The following DNM3 variants were observed in gnomAD, a reference collection of about 807,000 sequenced individuals.
DNM3 encodes the protein dynamin 3, also known as dynamin-3.
Under a neutral mutation model 101.6 loss-of-function variants are expected in DNM3, and 47 were observed. That is an observed-to-expected ratio of 0.46 (90% CI 0.37 to 0.59). DNM3 has a LOEUF of 0.59. DNM3 is among the 20% of genes least tolerant of loss of function. DNM3 has a pLI of 0.00. For synonymous variants in DNM3, 385 were observed against 387.9 expected (o/e 0.99, Z 0.09); for missense variants, 849 against 1,085.7 (o/e 0.78, Z 3.06).
chr1:172,132,336 A>T (rs1448636914), intron 14 of DNM3, among the ~76,000 whole-genome samples: 2 of 152,184 alleles, frequency 1.3e-5, no homozygotes, highest in Non-Finnish European at 2.9e-5. Flanking sequence ...TAATTGGTTG[A>T]TTGCCACTAA....
chr1:172,187,560 G>A (rs2059568495), intron 14 of DNM3, among the ~76,000 whole-genome samples: 2 of 151,910 alleles, frequency 1.3e-5, no homozygotes, highest in African/African-American at 4.8e-5. Context: ...TCTATTCAAT[G>A]AGACTATATT....
At position 172,408,995 on chromosome 1, in the gene DNM3, G is replaced by A; in HGVS notation, c.*1154G>A. On this transcript the variant is annotated 3_prime_UTR_variant, in exon 21 of 21. Coordinates refer to ENST00000627582, the MANE Select transcript of DNM3 (RefSeq NM_015569.5). ...CAAAGTCCCTATCCAGGTCACTCCA[G>A]AAAAGGGTATTGAAACGTTGAAATC... 2 of 985,360 alleles carry A rather than the reference G, an allele frequency of 2.0e-6. No individual in the cohort carries two copies. Among genetic ancestry groups the A allele is most frequent in the Non-Finnish European group, 2.4e-6 (2 of 829,882 alleles). The allele number at this position is 985,360 out of a possible 1,614,324, so 61.0% of individuals were successfully genotyped here. A position where few individuals can be genotyped will look rare whatever the true frequency, so the allele number is the denominator to read the frequency against.
intron 15 of DNM3, among the ~76,000 whole-genome samples, chr1:172,275,950 T>A (rs1235780374): frequency 6.6e-6 from 1 of 152,120 alleles, no homozygotes; most frequent in Non-Finnish European, 1.5e-5. Context: ...GAATTAGTAA[T>A]GTGTAAAAGT....
Position 172,057,107 on chromosome 1 carries a change from A to T in DNM3, c.1335+8357A>T, listed in dbSNP as rs200319224. 6.6e-5 allele frequency among the ~76,000 whole-genome samples: 10 copies of T among 152,300 alleles called. No homozygotes were observed. The East Asian group carries it at 1.9e-3, about 29-fold the overall frequency. ...GAAAGGGTATCAGCAATGGAAGATG[A>T]AGTGAATGAAATGAAGCGAGAAGGG... is the stretch of plus-strand genomic sequence containing the variant. On this transcript the variant is annotated intron_variant, in intron 10 of 20. Transcript: ENST00000627582.
intron 14 of DNM3, among the ~76,000 whole-genome samples, chr1:172,147,851 A>G (rs1464252271): frequency 2.0e-5 from 3 of 152,032 alleles, no homozygotes; most frequent in Non-Finnish European, 4.4e-5. Flanking sequence ...GTCTTCCCAA[A>G]CTAATGGTAA....
chr1:171,848,169 T>A (rs1296825393), intron 1 of DNM3, among the ~76,000 whole-genome samples: 1 of 152,108 alleles, frequency 6.6e-6, no homozygotes, highest in East Asian at 1.9e-4. Context: ...TGTTATTGTT[T>A]TAGAGCACCT....
intron 10 of DNM3, among the ~76,000 whole-genome samples, chr1:172,060,054 C>A (rs553471292): frequency 6.6e-6 from 1 of 152,020 alleles, no homozygotes. Context: ...TACCAACAAT[C>A]GACAAACAGA....
At chr1:172,376,613 G>A (rs1287490193) in intron 17 of DNM3, 2 of 151,888 alleles carry the variant, frequency 1.3e-5, no homozygotes, top group Non-Finnish European at 2.9e-5. Context: ...TTGGTAGAAG[G>A]GGCAGTTTAC....
chr1:172,281,826 A>G (rs12096913), intron 15 of DNM3, among the ~76,000 whole-genome samples: 5,025 of 152,218 alleles, frequency 0.033, 277 homozygotes, highest in African/African-American at 0.11. Flanking sequence ...GTTTTGGGTG[A>G]TGGATAGTCC....
At chr1:172,375,829 C>CA (rs1206693571) in intron 17 of DNM3, among the ~76,000 whole-genome samples, 2 of 120,406 alleles carry the variant, frequency 1.7e-5, no homozygotes, top group African/African-American at 6.5e-5. Context: ...GGAAACATAA[C>CA]AAAACCCCAT....
At chr1:171,876,750 A>G (rs1486791223) in intron 1 of DNM3, among the ~76,000 whole-genome samples, 1 of 152,236 alleles carries the variant, frequency 6.6e-6, no homozygotes, top group Non-Finnish European at 1.5e-5. Flanking sequence ...TTACTACTAA[A>G]GTACTGTGTT....
chr1:172,222,042 A>T lies in DNM3; in HGVS notation c.1660-31531A>T, dbSNP rs2060926069. Among the ~76,000 whole-genome samples the T allele has an allele frequency of 2.6e-5, 4 of 152,144 alleles. No homozygotes were observed. In the South Asian group the frequency reaches 8.3e-4, roughly 32 times the overall value. On this transcript the variant is annotated intron_variant, in intron 14 of 20. Coordinates refer to ENST00000627582, the MANE Select transcript of DNM3 (RefSeq NM_015569.5). Reference sequence around the variant, plus strand: ...GAGTATATTATTTCAATGGGAATAGATAAGGAGACTAGGAAAGTCAGAGAT... The same window carrying T: ...GAGTATATTATTTCAATGGGAATAGTTAAGGAGACTAGGAAAGTCAGAGAT...
chr1:171,940,874 T>G (rs1196606461), intron 2 of DNM3, among the ~76,000 whole-genome samples: 1 of 152,192 alleles, frequency 6.6e-6, no homozygotes, highest in Non-Finnish European at 1.5e-5. Flanking sequence ...TCATTGATCA[T>G]GTACTAGTGC....
intron 4 of DNM3, among the ~76,000 whole-genome samples, chr1:172,009,653 C>G (rs1008955822): frequency 6.6e-6 from 1 of 151,556 alleles, no homozygotes; most frequent in Non-Finnish European, 1.5e-5. Context: ...ACAGCACTAT[C>G]GTAGACCGAT....
intron 2 of DNM3, among the ~76,000 whole-genome samples, chr1:171,963,247 A>T (rs2043335449): frequency 6.6e-6 from 1 of 152,162 alleles, no homozygotes; most frequent in African/African-American, 2.4e-5. Flanking sequence ...AGAAAACTTA[A>T]TGCATATTAC....
chr1:171,885,544 A>G (rs965697918), intron 1 of DNM3, among the ~76,000 whole-genome samples: 7 of 152,112 alleles, frequency 4.6e-5, no homozygotes, highest in African/African-American at 1.7e-4. Context: ...CCTTAAACCT[A>G]TGTGATGCGG....
At chr1:171,899,428 C>T (rs1405449691) in intron 1 of DNM3, among the ~76,000 whole-genome samples, 2 of 152,164 alleles carry the variant, frequency 1.3e-5, no homozygotes, top group African/African-American at 4.8e-5. Flanking sequence ...TTCCTCCATG[C>T]TTCCTATGGT....
chr1:171,895,854 T>C (rs949659049), intron 1 of DNM3, among the ~76,000 whole-genome samples: 17 of 152,332 alleles, frequency 1.1e-4, no homozygotes, highest in Middle Eastern at 3.4e-3. Context: ...GCTTTCTACA[T>C]ATGGCTAGCC....
intron 1 of DNM3, among the ~76,000 whole-genome samples, chr1:171,875,684 A>C (rs2035697237): frequency 6.6e-6 from 1 of 152,220 alleles, no homozygotes. Context: ...AATTATAAAA[A>C]TAGTAGTACC....
Sources: gnomAD v4.1 joint callset for allele counts (sites outside exome capture counted in the v4.1 genomes callset) on GRCh38, gnomAD v4.1.1 for gene constraint, MANE v1.5 for transcripts, NCBI Gene and HGNC (gene_info 2026-07-23, HGNC 2026-07-21) for gene names.